The following DNAAF4 variants were observed in gnomAD, a reference collection of about 807,000 sequenced individuals.
DNAAF4 encodes the protein dynein axonemal assembly factor 4.
DNAAF4 carries 43 observed loss-of-function variants against 51.8 expected under a neutral mutation model. The observed-to-expected ratio is 0.83, with a 90% CI of 0.65 to 1.07. The LOEUF (loss-of-function observed/expected upper bound fraction) is 1.07, where lower values mean the gene tolerates loss of function less well. Among genes scored for constraint, DNAAF4 ranks in the 50% least tolerant of loss-of-function variants. The pLI, the probability that DNAAF4 is intolerant of heterozygous loss-of-function variation, is 0.00. For synonymous variants in DNAAF4, 194 were observed against 165.6 expected, an observed-to-expected ratio of 1.17 and a Z score of -1.32; for missense variants, 581 against 493.0, an observed-to-expected ratio of 1.18 and a Z score of -1.69.
chr15:55,483,571 C>A (rs2058440851), intron 4 of DNAAF4, among the ~76,000 whole-genome samples: 1 of 151,984 alleles, frequency 6.6e-6, no homozygotes, highest in Non-Finnish European at 1.5e-5. Flanking sequence ...AATGGAGTCT[C>A]ACTCTGTCGC....
intron 7 of DNAAF4, among the ~76,000 whole-genome samples, chr15:55,421,331 T>C (rs1566994308): frequency 6.6e-6 from 1 of 151,230 alleles, no homozygotes; most frequent in Admixed American, 6.6e-5. Context: ...TGAGACCACA[T>C]CTCTACTAAA....
At chr15:55,495,583 C>T (rs4255730) in intron 3 of DNAAF4, among the ~76,000 whole-genome samples, 135,249 of 152,108 alleles carry the variant, frequency 0.89, 60,981 homozygotes, top group African/African-American at 0.97. Context: ...AAAATAAAAA[C>T]AATTACCTAG....
intron 4 of DNAAF4, among the ~76,000 whole-genome samples, chr15:55,472,888 C>T (rs935481746): frequency 1.4e-4 from 21 of 151,322 alleles, no homozygotes; most frequent in African/African-American, 4.6e-4. Context: ...AAACTCAGCC[C>T]GGCATGGAGG....
At chr15:55,447,826 GGGCAGAGGGGAGAGGGGAGA>G in intron 6 of DNAAF4, among the ~76,000 whole-genome samples, 2 of 115,638 alleles carry the variant, frequency 1.7e-5, no homozygotes, top group Non-Finnish European at 3.7e-5. Flanking sequence ...AGAGGGGAGA[GGGCAGAGGGGAGAGGGGAGA>G]GGGCAGAGGG....
At chr15:55,421,546 T>C (rs1307567721) in intron 7 of DNAAF4, among the ~76,000 whole-genome samples, 1 of 152,032 alleles carries the variant, frequency 6.6e-6, no homozygotes, top group Non-Finnish European at 1.5e-5. Context: ...AAATCAAGCA[T>C]ATCATCTGGA....
intron 6 of DNAAF4, among the ~76,000 whole-genome samples, chr15:55,440,037 C>G (rs554545503): frequency 6.6e-6 from 1 of 152,202 alleles, no homozygotes; most frequent in African/African-American, 2.4e-5. Context: ...GCAGCCAGAG[C>G]AGATTAACGT....
intron 7 of DNAAF4, among the ~76,000 whole-genome samples, chr15:55,419,400 G>A (rs577320125): frequency 6.8e-6 from 1 of 148,060 alleles, no homozygotes. Context: ...TAATTTGTGG[G>A]GTGTGTGTGT....
chr15:55,489,402 G>A (rs998411665), intron 4 of DNAAF4, among the ~76,000 whole-genome samples: 5 of 152,070 alleles, frequency 3.3e-5, no homozygotes, highest in Admixed American at 6.6e-5. Flanking sequence ...GGCTCAGTGC[G>A]GTGACTCATG....
chr15:55,495,969 G>A (rs754333233), intron 3 of DNAAF4, among the ~76,000 whole-genome samples: 20 of 152,186 alleles, frequency 1.3e-4, no homozygotes, highest in Non-Finnish European at 2.8e-4. Context: ...GCTCATGGCT[G>A]TAATCCCGGC....
At chr15:55,442,095 A>G (rs2057723625) in intron 6 of DNAAF4, among the ~76,000 whole-genome samples, 1 of 152,106 alleles carries the variant, frequency 6.6e-6, no homozygotes, top group Non-Finnish European at 1.5e-5. Context: ...AGCAGGTAAC[A>G]CATCCTAAGG....
At position 55,434,924 on chromosome 15, in the gene DNAAF4, G is replaced by C. The variant is rs780500083; in HGVS notation, c.1028C>G (p.Ala343Gly). ...CCATACCTTAGAAGAATCTTCAATAGCCTTGTGTAAGTTTTTTAGTTTTAG... is the reference window on the plus strand; with the variant it reads ...CCATACCTTAGAAGAATCTTCAATACCCTTGTGTAAGTTTTTTAGTTTTAG... ...CHLKLKNLHK[A>G]IEDSSKALEL... is the part of the protein sequence containing the mutation. Residue 343 changes from alanine to glycine, a missense_variant, in exon 8 of 10, where the codon GCT (alanine) becomes GGT (glycine). Physicochemically the swap from Ala to Gly is moderately conservative, Grantham distance 60 (BLOSUM62 0). Coordinates refer to ENST00000321149, the MANE Select transcript of DNAAF4 (RefSeq NM_130810.4). The C allele has an allele frequency of 4.3e-6, 7 of 1,610,628 alleles. No homozygotes were observed. The South Asian group carries it at 7.8e-5, about 18-fold the overall frequency.
chr15:55,418,151 G>T (rs73406983), intron 7 of DNAAF4: 3 of 1,570,014 alleles, frequency 1.9e-6, no homozygotes, highest in Non-Finnish European at 2.6e-6. Context: ...AGGGAAGTGG[G>T]TGGGACTGAA....
intron 7 of DNAAF4, 64 bp downstream of exon 7, chr15:55,439,408 C>A: frequency 7.2e-7 from 1 of 1,388,202 alleles, no homozygotes; most frequent in Non-Finnish European, 1.0e-6. Context: ...CCATACTCGT[C>A]CTATGATAAC....
At chr15:55,472,048 CA>C (rs1447905140) in intron 4 of DNAAF4, among the ~76,000 whole-genome samples, 1 of 151,302 alleles carries the variant, frequency 6.6e-6, no homozygotes, top group Admixed American at 6.6e-5. Flanking sequence ...TCATGTTGGC[CA>C]GGCTGGTGTC....
intron 5 of DNAAF4, among the ~76,000 whole-genome samples, chr15:55,465,815 C>T (rs1197103827): frequency 6.6e-6 from 1 of 152,132 alleles, no homozygotes; most frequent in African/African-American, 2.4e-5. Context: ...ATCTGCCCGC[C>T]TTGTCCTCCC....
At chr15:55,465,243 T>C (rs540097871) in intron 5 of DNAAF4, among the ~76,000 whole-genome samples, 2 of 152,180 alleles carry the variant, frequency 1.3e-5, no homozygotes, top group East Asian at 3.9e-4. Context: ...GATCCAGCAA[T>C]CCCCCTACTG....
At chr15:55,445,592 C>G (rs899146838) in intron 6 of DNAAF4, among the ~76,000 whole-genome samples, 3 of 151,964 alleles carry the variant, frequency 2.0e-5, no homozygotes, top group Non-Finnish European at 2.9e-5. Context: ...ATGGGGCGGC[C>G]AGGCAGAGGC....
Position 55,434,976 on chromosome 15 carries a change from A to G in DNAAF4, c.976T>C (p.Leu326=). ...TGGCAAGCAGCCCGGTTCAAATACA[A>G]TAGTGGCATCTTATTATTTAGTCTT... The part of the protein sequence containing the change: ...AIRLNNKMPL[L]YLNRAACHLK... The change falls in exon 8 of 10, where the codon TTG becomes CTG. Residue 326 remains leucine, a synonymous_variant. Transcript: ENST00000321149. 2 of 1,613,456 alleles carry G rather than the reference A, an allele frequency of 1.2e-6. No individual in the cohort carries two copies. Among genetic ancestry groups the G allele is most frequent in the Non-Finnish European group, 1.7e-6 (2 of 1,179,886 alleles).
chr15:55,439,972 A>G (rs1211358462), intron 6 of DNAAF4, among the ~76,000 whole-genome samples: 1 of 152,186 alleles, frequency 6.6e-6, no homozygotes, highest in African/African-American at 2.4e-5. Context: ...CTCCAGAACT[A>G]TAAGAAATGA....
Sources: gnomAD v4.1 joint callset for allele counts (sites outside exome capture counted in the v4.1 genomes callset) on GRCh38, gnomAD v4.1.1 for gene constraint, MANE v1.5 for transcripts, NCBI Gene and HGNC (gene_info 2026-07-23, HGNC 2026-07-21) for gene names.